Variants in ROR1 observed in about 807,000 individuals in gnomAD.
ROR1 encodes inactive tyrosine-protein kinase transmembrane receptor ROR1.
In ROR1, 19 loss-of-function variants were observed where a neutral mutation model predicts 78.8. The ratio of observed to expected loss-of-function variants is 0.24; its 90% confidence interval spans 0.17 to 0.35. The LOEUF is 0.35. Ranked by LOEUF, ROR1 falls within the 10% of genes least tolerant of loss-of-function variation. The pLI is 1.00. For missense variants in ROR1, 917 were observed against 1,177.8 expected, an observed-to-expected ratio of 0.78 and a Z score of 3.24; for synonymous variants, 386 against 433.6, an observed-to-expected ratio of 0.89 and a Z score of 1.36.
chr1:63,878,434 C>T (rs996065286), intron 1 of ROR1, among the ~76,000 whole-genome samples: 15 of 152,118 alleles, frequency 9.9e-5, no homozygotes, highest in African/African-American at 2.4e-4. Context: ...AGTCTCCTGA[C>T]GGTCTCTGTA....
At chr1:64,095,522 G>A (rs1460615677) in intron 4 of ROR1, among the ~76,000 whole-genome samples, 1 of 152,094 alleles carries the variant, frequency 6.6e-6, no homozygotes, top group East Asian at 1.9e-4. Flanking sequence ...CCTCTTGAAG[G>A]GAATGACCAG....
intron 4 of ROR1, among the ~76,000 whole-genome samples, chr1:64,061,942 A>G (rs141955232): frequency 1.0e-3 from 158 of 152,146 alleles, no homozygotes; most frequent in African/African-American, 3.7e-3. Flanking sequence ...ACCCTCTTTT[A>G]TCTGTCAGGC....
intron 1 of ROR1, among the ~76,000 whole-genome samples, chr1:63,902,055 C>G (rs1336638803): frequency 6.6e-6 from 1 of 152,044 alleles, no homozygotes; most frequent in Non-Finnish European, 1.5e-5. Flanking sequence ...ACATCCAAAC[C>G]ATGATATATT....
At chr1:64,164,359 C>G (rs1057452063) in intron 8 of ROR1, among the ~76,000 whole-genome samples, 6 of 152,174 alleles carry the variant, frequency 3.9e-5, no homozygotes, top group African/African-American at 1.4e-4. Context: ...CTTCAAAGAG[C>G]AAGAGTGTAG....
intron 1 of ROR1, among the ~76,000 whole-genome samples, chr1:63,996,233 G>T (rs750455487): frequency 3.3e-5 from 5 of 152,136 alleles, no homozygotes; most frequent in Non-Finnish European, 5.9e-5. Flanking sequence ...AAAGTGCAAA[G>T]TCTCTTAAGA....
chr1:64,174,767 A>G (rs989085843), intron 8 of ROR1, among the ~76,000 whole-genome samples: 1 of 152,140 alleles, frequency 6.6e-6, no homozygotes, highest in African/African-American at 2.4e-5. Flanking sequence ...ATGCAGGAAA[A>G]ATTCACCTTG....
chr1:64,020,308 G>T (rs1570069506), intron 2 of ROR1, among the ~76,000 whole-genome samples: 1 of 152,260 alleles, frequency 6.6e-6, no homozygotes, highest in East Asian at 1.9e-4. Context: ...ATATTATGTT[G>T]CCTTTAAGCT....
chr1:63,991,863 G>A (rs1412295429), intron 1 of ROR1, among the ~76,000 whole-genome samples: 1 of 152,176 alleles, frequency 6.6e-6, no homozygotes, highest in Non-Finnish European at 1.5e-5. Flanking sequence ...GTCATGAAAT[G>A]CAATGACCCT....
At chr1:64,043,273 G>T (rs553856396) in intron 2 of ROR1, among the ~76,000 whole-genome samples, 3 of 152,296 alleles carry the variant, frequency 2.0e-5, no homozygotes, top group Admixed American at 6.5e-5. Context: ...AATAAATGGG[G>T]TGTCTCCAAA....
chr1:64,108,964 A>G (rs1158318071), intron 4 of ROR1, among the ~76,000 whole-genome samples: 1 of 152,292 alleles, frequency 6.6e-6, no homozygotes, highest in African/African-American at 2.4e-5. Context: ...GATTTATTTA[A>G]AGGGCCACAG....
chr1:64,073,807 C>G (rs1011926144), intron 4 of ROR1, among the ~76,000 whole-genome samples: 1 of 152,098 alleles, frequency 6.6e-6, no homozygotes, highest in East Asian at 1.9e-4. Flanking sequence ...CCCCTGTTCC[C>G]GAAGGGTTAA....
intron 1 of ROR1, among the ~76,000 whole-genome samples, chr1:63,857,770 G>A (rs1358657838): frequency 6.6e-6 from 1 of 152,170 alleles, no homozygotes; most frequent in African/African-American, 2.4e-5. Flanking sequence ...ACCATATTTG[G>A]TAAGCCTCTG....
chr1:63,972,603 A>G (rs955993043), intron 1 of ROR1, among the ~76,000 whole-genome samples: 3 of 152,206 alleles, frequency 2.0e-5, no homozygotes, highest in Non-Finnish European at 4.4e-5. Context: ...GGATGTGGAC[A>G]TTTTTGTTTT....
chr1:64,163,814 G>C (rs1303283335), intron 8 of ROR1, among the ~76,000 whole-genome samples: 3 of 152,040 alleles, frequency 2.0e-5, no homozygotes, highest in Non-Finnish European at 2.9e-5. Flanking sequence ...TTAATTTGCT[G>C]TTCTTACCAA....
intron 2 of ROR1, among the ~76,000 whole-genome samples, chr1:64,026,209 G>A (rs1405728395): frequency 6.6e-6 from 1 of 152,142 alleles, no homozygotes; most frequent in African/African-American, 2.4e-5. Flanking sequence ...GCTGTTCTCT[G>A]GACTTTGCAG....
chr1:63,910,223 C>G (rs922603135), intron 1 of ROR1, among the ~76,000 whole-genome samples: 1 of 152,110 alleles, frequency 6.6e-6, no homozygotes, highest in Non-Finnish European at 1.5e-5. Context: ...TTTCAGCTAG[C>G]TAAGTCAATT....
At chr1:63,915,513 T>G (rs981959023) in intron 1 of ROR1, among the ~76,000 whole-genome samples, 9 of 151,858 alleles carry the variant, frequency 5.9e-5, no homozygotes, top group Non-Finnish European at 1.0e-4. Flanking sequence ...CTTAGTGGAG[T>G]ATAAGAAGAG....
chr1:63,786,296 A>G (rs574368309), intron 1 of ROR1, among the ~76,000 whole-genome samples: 133 of 104,852 alleles, frequency 1.3e-3, no homozygotes, highest in African/African-American at 3.0e-3. Flanking sequence ...TTTTTGAGAC[A>G]GAGTCTCGCT....
intron 1 of ROR1, among the ~76,000 whole-genome samples, chr1:63,932,002 G>C (rs1317761000): frequency 6.6e-6 from 1 of 152,130 alleles, no homozygotes; most frequent in Non-Finnish European, 1.5e-5. Context: ...CTTTGGATGA[G>C]GGGAAACTGC....
Sources: gnomAD v4.1 joint callset for allele counts (sites outside exome capture counted in the v4.1 genomes callset) on GRCh38, gnomAD v4.1.1 for gene constraint, MANE v1.5 for transcripts, NCBI Gene and HGNC (gene_info 2026-07-23, HGNC 2026-07-21) for gene names.